The following RBFOX1 variants were observed in gnomAD, a reference collection of about 807,000 sequenced individuals.
RBFOX1 encodes RNA binding protein fox-1 homolog 1.
Under a neutral mutation model 57.7 loss-of-function variants are expected in RBFOX1, and 8 were observed. The ratio of observed to expected loss-of-function variants is 0.14; its 90% CI spans 0.08 to 0.25. The LOEUF is 0.25. RBFOX1 is among the 10% of genes least tolerant of loss of function. RBFOX1 has a pLI of 1.00. For missense variants in RBFOX1, 611 were observed against 548.5 expected, an observed-to-expected ratio of 1.11 and a Z score of -1.14; for synonymous variants, 326 against 222.4, an observed-to-expected ratio of 1.47 and a Z score of -4.15.
chr16:7,128,853 A>G (rs1032748379), intron 4 of RBFOX1, among the ~76,000 whole-genome samples: 3 of 129,370 alleles, frequency 2.3e-5, no homozygotes, highest in African/African-American at 9.1e-5. Flanking sequence ...ACGGAGTCTC[A>G]CTTTGTCGCC....
chr16:7,566,746 C>G (rs776534571), intron 5 of RBFOX1, among the ~76,000 whole-genome samples: 8 of 152,042 alleles, frequency 5.3e-5, no homozygotes, highest in African/African-American at 1.9e-4. Context: ...TAGCCGGAAT[C>G]CTTTGTCTTA....
chr16:6,588,922 A>T (rs55956846), intron 2 of RBFOX1, among the ~76,000 whole-genome samples: 4 of 152,028 alleles, frequency 2.6e-5, no homozygotes, highest in African/African-American at 9.7e-5. Flanking sequence ...GTAACTGACA[A>T]ATTTCCCCAG....
chr16:7,517,172 T>C (rs1430144965), intron 4 of RBFOX1, among the ~76,000 whole-genome samples: 3 of 150,874 alleles, frequency 2.0e-5, no homozygotes, highest in Non-Finnish European at 4.4e-5. Context: ...TGTGTGTGTG[T>C]GTGTGTGTGT....
intron 4 of RBFOX1, among the ~76,000 whole-genome samples, chr16:7,189,551 CAA>C (rs201444889): frequency 0.068 from 7,778 of 114,626 alleles, 373 homozygotes; most frequent in African/African-American, 0.17. Context: ...CTATGTCCCC[CAA>C]AACACACACA....
chr16:7,448,246 G>T (rs901858934), intron 4 of RBFOX1, among the ~76,000 whole-genome samples: 1 of 152,238 alleles, frequency 6.6e-6, no homozygotes, highest in Admixed American at 6.5e-5. Context: ...AAATCAAGGT[G>T]TAGGCAAGGT....
intron 3 of RBFOX1, among the ~76,000 whole-genome samples, chr16:5,824,264 G>T (rs1004057992): frequency 6.6e-6 from 1 of 152,202 alleles, no homozygotes; most frequent in Admixed American, 6.5e-5. Flanking sequence ...GACTTGTGAA[G>T]AGCCCACCAT....
chr16:6,699,592 G>C (rs1183204461), intron 3 of RBFOX1, among the ~76,000 whole-genome samples: 1 of 152,178 alleles, frequency 6.6e-6, no homozygotes, highest in African/African-American at 2.4e-5. Context: ...AGACAAATGG[G>C]CTCTTTAAAC....
chr16:5,949,256 G>C (rs1034811788), intron 4 of RBFOX1, among the ~76,000 whole-genome samples: 2 of 152,044 alleles, frequency 1.3e-5, no homozygotes, highest in Admixed American at 1.3e-4. Flanking sequence ...GTCCTTTCTA[G>C]CTATCTTTAA....
intron 3 of RBFOX1, among the ~76,000 whole-genome samples, chr16:7,026,516 A>G (rs538746368): frequency 4.6e-4 from 70 of 150,894 alleles, no homozygotes; most frequent in East Asian, 1.2e-3. Context: ...CTCTGTTTCT[A>G]TCTCTCTCAC....
intron 3 of RBFOX1, among the ~76,000 whole-genome samples, chr16:6,737,169 G>T (rs916260382): frequency 2.0e-5 from 3 of 152,254 alleles, no homozygotes; most frequent in Non-Finnish European, 2.9e-5. Context: ...AAGAATATTG[G>T]CAAGAATGGT....
intron 1 of RBFOX1, among the ~76,000 whole-genome samples, chr16:5,442,133 G>A (rs140702169): frequency 6.6e-6 from 1 of 152,214 alleles, no homozygotes; most frequent in Non-Finnish European, 1.5e-5. Context: ...AGACTTGGAA[G>A]CTCAGACCAA....
intron 3 of RBFOX1, among the ~76,000 whole-genome samples, chr16:6,848,735 T>A (rs1193155253): frequency 2.6e-5 from 4 of 152,062 alleles, no homozygotes; most frequent in Non-Finnish European, 5.9e-5. Flanking sequence ...TAACGTTCAG[T>A]AACATATGAC....
At chr16:5,612,149 G>A (rs1019879929) in intron 3 of RBFOX1, among the ~76,000 whole-genome samples, 25 of 149,916 alleles carry the variant, frequency 1.7e-4, no homozygotes, top group East Asian at 1.6e-3. Context: ...CCATCCATAC[G>A]TCTACTCTCC....
intron 3 of RBFOX1, among the ~76,000 whole-genome samples, chr16:6,975,767 G>C (rs2086692224): frequency 6.6e-6 from 1 of 152,148 alleles, no homozygotes; most frequent in African/African-American, 2.4e-5. Flanking sequence ...CCCCTAAAGT[G>C]TACTTGGTGG....
intron 4 of RBFOX1, among the ~76,000 whole-genome samples, chr16:7,163,796 G>T (rs970599537): frequency 6.6e-6 from 1 of 152,130 alleles, no homozygotes; most frequent in Admixed American, 6.5e-5. Flanking sequence ...AGCTGGGACT[G>T]TAGGCGCATG....
chr16:6,730,895 A>C (rs113868327), intron 3 of RBFOX1, among the ~76,000 whole-genome samples: 2,336 of 152,230 alleles, frequency 0.015, 39 homozygotes, highest in Middle Eastern at 0.034. Flanking sequence ...TAGAATTACC[A>C]AATATGGGGT....
intron 4 of RBFOX1, among the ~76,000 whole-genome samples, chr16:7,120,830 T>TATACACACACACACAC (rs1226442313): frequency 4.6e-5 from 4 of 86,542 alleles, no homozygotes; most frequent in Non-Finnish European, 1.0e-4. Context: ...TATGTATATA[T>TATACACACACACACAC]ACACACACAC....
intron 3 of RBFOX1, among the ~76,000 whole-genome samples, chr16:5,607,379 C>T (rs1485013313): frequency 6.7e-6 from 1 of 150,146 alleles, no homozygotes; most frequent in Non-Finnish European, 1.5e-5. Flanking sequence ...CTAAGTGGCA[C>T]TCTTGACCTC....
intron 4 of RBFOX1, among the ~76,000 whole-genome samples, chr16:7,450,740 G>A (rs1221988092): frequency 6.6e-6 from 1 of 152,156 alleles, no homozygotes; most frequent in Non-Finnish European, 1.5e-5. Flanking sequence ...TAGGTCTTCA[G>A]GTTGCTGAGT....
Sources: gnomAD v4.1 joint callset for allele counts (sites outside exome capture counted in the v4.1 genomes callset) on GRCh38, gnomAD v4.1.1 for gene constraint, MANE v1.5 for transcripts, NCBI Gene and HGNC (gene_info 2026-07-23, HGNC 2026-07-21) for gene names.